FBXO11: variants seen among roughly 807,000 people sequenced by gnomAD.
FBXO11 encodes the protein F-box protein 11.
A neutral mutation model predicts 117.0 loss-of-function variants in FBXO11; 13 were observed. That is an observed-to-expected ratio of 0.11 (90% CI 0.07 to 0.18). The LOEUF (loss-of-function observed/expected upper bound fraction) is 0.18. FBXO11 is among the 10% of genes least tolerant of loss of function. FBXO11 has a pLI of 1.00. For missense variants in FBXO11, 767 were observed against 1,164.4 expected (o/e 0.66, Z 4.97); for synonymous variants, 490 against 380.5 (o/e 1.29, Z -3.35).
intron 13 of FBXO11, among the ~76,000 whole-genome samples, chr2:47,821,471 G>T (rs1056016044): frequency 2.0e-5 from 3 of 152,082 alleles, no homozygotes; most frequent in Non-Finnish European, 4.4e-5. Context: ...TTAGCCGGGC[G>T]TGGTGGCGGG....
intron 1 of FBXO11, among the ~76,000 whole-genome samples, chr2:47,861,034 G>C (rs35497197): frequency 6.6e-6 from 1 of 151,628 alleles, no homozygotes; most frequent in Admixed American, 6.6e-5. Flanking sequence ...ATTTTTAGTA[G>C]AGATGGGGTT....
chr2:47,858,332 G>C (rs1455511167), intron 1 of FBXO11, among the ~76,000 whole-genome samples: 3 of 151,568 alleles, frequency 2.0e-5, no homozygotes, highest in Admixed American at 2.0e-4. Flanking sequence ...TTTTCATGTA[G>C]TAAATCTACA....
intron 5 of FBXO11, 57 bp downstream of exon 5, chr2:47,835,815 A>G: frequency 7.2e-7 from 1 of 1,397,970 alleles, no homozygotes; most frequent in East Asian, 2.7e-5. Flanking sequence ...ATTTCTTAAA[A>G]GAAAGTTATT....
In FBXO11 at chr2:47,822,270, T is replaced by G; in HGVS notation, c.1650A>C (p.Gly550=). The G allele has an allele frequency of 6.3e-7, 1 of 1,596,432 alleles. No individual in the cohort carries two copies. Residue 550 remains glycine, a synonymous_variant, in exon 13 of 23, where the codon GGA becomes GGC. Coordinates refer to ENST00000403359, the MANE Select transcript of FBXO11 (RefSeq NM_001190274.2). ...GNSIFNGNQG[G]VYIFGDGRGL... is the part of the protein sequence containing the mutation. ...CTCGTCCATCACCAAAGATGTAAAC[T>G]CCTCCTTGATTTCCATTAAATATAG...
In FBXO11 at chr2:47,833,077, A is replaced by G; in HGVS notation, c.935-7T>C. 1 of 1,583,690 alleles carries G rather than the reference A, an allele frequency of 6.3e-7. No homozygotes were observed. Among genetic ancestry groups the G allele is most frequent in the East Asian group, 2.2e-5 (1 of 44,664 alleles). On this transcript the variant is annotated splice_region_variant and splice_polypyrimidine_tract_variant and intron_variant, in intron 7 of 22. Coordinates refer to ENST00000403359, the MANE Select transcript of FBXO11 (RefSeq NM_001190274.2). ...TCTGCCACTTTCCCAGGTGCTGTGGAGAAGATATTTTAAAGAATATTACCT... is the reference window on the plus strand; with the variant it reads ...TCTGCCACTTTCCCAGGTGCTGTGGGGAAGATATTTTAAAGAATATTACCT...
chr2:47,885,420 T>A (rs1423662315), intron 1 of FBXO11, among the ~76,000 whole-genome samples: 2 of 151,932 alleles, frequency 1.3e-5, no homozygotes. Flanking sequence ...TGGCAAACCC[T>A]GTCTCTACCA....
chr2:47,812,161 C>T (rs987239446), intron 18 of FBXO11, among the ~76,000 whole-genome samples: 6 of 152,240 alleles, frequency 3.9e-5, no homozygotes, highest in African/African-American at 1.4e-4. Flanking sequence ...TTCTGTACCT[C>T]TTCCCTTACT....
chr2:47,905,672 G>C lies in FBXO11; in HGVS notation c.49C>G (p.Pro17Ala). 6.6e-7 allele frequency: 1 copy of C among 1,506,740 alleles called. No individual in the cohort carries two copies. The highest frequency in any genetic ancestry group is 8.8e-7 in the Non-Finnish European group (1 of 1,129,964). 93.3% of individuals were successfully genotyped at this position (1,506,740 alleles called of 1,614,324 possible). ...ANRRPRRVSR[P>A]RPVQQQQQQP... is the part of the protein sequence containing the mutation. ...TGCTGCTGTTGCTGCACCGGGCGCG[G>C]CCGCGACACTCGCCTGGGTCTCCGG... The change falls in exon 1 of 23, where the codon CCG becomes GCG. Residue 17 changes from proline (P) to alanine (A), a missense_variant. Pro to Ala is a conservative substitution (Grantham distance 27). Transcript: ENST00000403359.
At chr2:47,876,534 T>G (rs917004868) in intron 1 of FBXO11, among the ~76,000 whole-genome samples, 2 of 152,198 alleles carry the variant, frequency 1.3e-5, no homozygotes, top group Non-Finnish European at 2.9e-5. Flanking sequence ...AGAATCAAGG[T>G]CAACAGTTAT....
chr2:47,891,314 A>G (rs185934143), intron 1 of FBXO11, among the ~76,000 whole-genome samples: 6 of 152,042 alleles, frequency 3.9e-5, no homozygotes. Flanking sequence ...CCTGACAACC[A>G]CGATTCCACT....
At chr2:47,835,290 C>T (rs555971820) in intron 5 of FBXO11, among the ~76,000 whole-genome samples, 1 of 152,196 alleles carries the variant, frequency 6.6e-6, no homozygotes, top group Non-Finnish European at 1.5e-5. Flanking sequence ...CACGAAGGGC[C>T]GTATAACAAT....
At chr2:47,880,876 C>G (rs1248961251) in intron 1 of FBXO11, among the ~76,000 whole-genome samples, 3 of 152,012 alleles carry the variant, frequency 2.0e-5, no homozygotes, top group Non-Finnish European at 4.4e-5. Context: ...CTTGTATAAA[C>G]CAGAGAGTGG....
In FBXO11 at chr2:47,820,416, A is replaced by G; in HGVS notation, c.1743T>C (p.Cys581=). ...LAGIQIRTNS[C]PIVRHNKIHD... is the part of the protein sequence containing the mutation. ...GAATTTTGTTATGCCGAACAATTGGACAACTGTTTGTCCTAATTTGAATTC... is the reference window on the plus strand; with the variant it reads ...GAATTTTGTTATGCCGAACAATTGGGCAACTGTTTGTCCTAATTTGAATTC... Residue 581 remains cysteine (C), a synonymous_variant, in exon 14 of 23, where the codon TGT becomes TGC. Coordinates refer to ENST00000403359, the MANE Select transcript of FBXO11 (RefSeq NM_001190274.2). 6.2e-7 allele frequency: 1 copy of G among 1,613,922 alleles called. No homozygotes were observed. The highest frequency in any genetic ancestry group is 1.3e-5 in the African/African-American group (1 of 75,054).
chr2:47,830,922 C>T (rs1246955929), intron 11 of FBXO11, among the ~76,000 whole-genome samples: 1 of 152,112 alleles, frequency 6.6e-6, no homozygotes, highest in Non-Finnish European at 1.5e-5. Flanking sequence ...GTCTCAGCCC[C>T]CAAGTAGCTG....
chr2:47,903,629 T>A (rs1036284566), intron 1 of FBXO11, among the ~76,000 whole-genome samples: 6 of 152,228 alleles, frequency 3.9e-5, no homozygotes, highest in East Asian at 3.8e-4. Flanking sequence ...GTAAACATTT[T>A]AAAATACACA....
chr2:47,882,050 C>G (rs748635758), intron 1 of FBXO11, among the ~76,000 whole-genome samples: 16 of 152,094 alleles, frequency 1.1e-4, no homozygotes, highest in Non-Finnish European at 2.1e-4. Flanking sequence ...GCCCAGCCCA[C>G]ATTTTAGTCT....
At chr2:47,868,536 G>C (rs1270340645) in intron 1 of FBXO11, among the ~76,000 whole-genome samples, 3 of 152,052 alleles carry the variant, frequency 2.0e-5, no homozygotes, top group Admixed American at 6.6e-5. Context: ...CCTAATATTT[G>C]AGAGTTGGAC....
chr2:47,892,353 T>G (rs1181287281), intron 1 of FBXO11, among the ~76,000 whole-genome samples: 1 of 152,248 alleles, frequency 6.6e-6, no homozygotes, highest in African/African-American at 2.4e-5. Context: ...AGGGTATATT[T>G]TCTGTTTCAT....
At chr2:47,861,728 C>G (rs1463719070) in intron 1 of FBXO11, among the ~76,000 whole-genome samples, 1 of 152,016 alleles carries the variant, frequency 6.6e-6, no homozygotes, top group African/African-American at 2.4e-5. Context: ...AAAGAGACGT[C>G]CTTCTCTCTT....
Sources: gnomAD v4.1 joint callset for allele counts (sites outside exome capture counted in the v4.1 genomes callset) on GRCh38, gnomAD v4.1.1 for gene constraint, MANE v1.5 for transcripts, NCBI Gene and HGNC (gene_info 2026-07-23, HGNC 2026-07-21) for gene names.